GDPD4: variants seen among roughly 807,000 people sequenced by gnomAD.
GDPD4 encodes glycerophosphodiester phosphodiesterase domain containing 4.
A neutral mutation model predicts 67.8 loss-of-function variants in GDPD4; 60 were observed. The observed-to-expected ratio is 0.88, with a 90% CI of 0.72 to 1.10. The LOEUF (loss-of-function observed/expected upper bound fraction) is 1.10. Ranked by LOEUF, GDPD4 falls within the 50% of genes least tolerant of loss-of-function variation. The pLI is 0.00. For missense variants in GDPD4, 623 were observed against 613.9 expected (o/e 1.01, Z -0.16); for synonymous variants, 212 against 210.9 (o/e 1.00, Z -0.04).
rs1401545922 is a variant in GDPD4, at chr11:77,248,768, CTGG to C, written c.865-3269_865-3267del. Among the ~76,000 whole-genome samples the C allele has an allele frequency of 1.8e-3, 266 of 151,550 alleles. 2 individuals are homozygous for C. The highest frequency in any genetic ancestry group is 3.4e-3 in the Non-Finnish European group (233 of 67,948). On this transcript the variant is annotated intron_variant, in intron 11 of 16. Coordinates refer to ENST00000315938, the MANE Select transcript of GDPD4 (RefSeq NM_182833.3). The stretch of plus-strand genomic sequence containing the variant: ...TTGAGTTTTGTTCTTGTTGCCCAGG[CTGG>C]AGTACAATGGCACAGTCTCAGCTCA...
intron 10 of GDPD4, among the ~76,000 whole-genome samples, chr11:77,263,448 A>G (rs1959158108): frequency 6.6e-6 from 1 of 152,184 alleles, no homozygotes; most frequent in Non-Finnish European, 1.5e-5. Flanking sequence ...AAAAAAAAGA[A>G]AAGAGGTATA....
chr11:77,262,261 A>G (rs929039265), intron 10 of GDPD4, among the ~76,000 whole-genome samples: 2 of 152,192 alleles, frequency 1.3e-5, no homozygotes, highest in Non-Finnish European at 2.9e-5. Flanking sequence ...AAGCAGTTTC[A>G]TTCCTCAAAT....
At chr11:77,289,435 A>AGGCC (rs1359071733) in intron 1 of GDPD4, among the ~76,000 whole-genome samples, 1 of 149,788 alleles carries the variant, frequency 6.7e-6, no homozygotes, top group East Asian at 2.0e-4. Flanking sequence ...GAGAGAAGGC[A>AGGCC]GGCCGGCTGG....
At chr11:77,299,276 A>C (rs968757971) in intron 1 of GDPD4, among the ~76,000 whole-genome samples, 1 of 152,148 alleles carries the variant, frequency 6.6e-6, no homozygotes, top group Non-Finnish European at 1.5e-5. Context: ...GATGGAAGAA[A>C]TCCTAAATGA....
At position 77,269,896 on chromosome 11, in the gene GDPD4, G is replaced by A. The variant is rs1470575108; in HGVS notation, c.465C>T (p.Ile155=). 4 of 1,575,736 alleles carry A rather than the reference G, an allele frequency of 2.5e-6. No individual in the cohort carries two copies. Among genetic ancestry groups the A allele is most frequent in the East Asian group, 2.2e-5 (1 of 44,650 alleles). The part of the protein sequence containing the change: ...EKKRLKQCNV[I]TRLRGLQVPV... ...TCCAGCTCTAACCTCTTAACCTTGT[G>A]ATTACATTACATTGCTTGAGTCTTT... The change falls in exon 8 of 17, where the codon ATC becomes ATT. Residue 155 remains isoleucine, a synonymous_variant. Transcript: ENST00000315938.
At chr11:77,260,410 AG>A (rs1959094588) in intron 10 of GDPD4, among the ~76,000 whole-genome samples, 1 of 152,222 alleles carries the variant, frequency 6.6e-6, no homozygotes, top group African/African-American at 2.4e-5. Context: ...AAGCTTCAAA[AG>A]AAAAGACCAA....
Position 77,227,868 on chromosome 11 carries a change from G to C in GDPD4, c.1521C>G (p.Arg507=). ...GGGCTAGGCCTCTGACTTTACCTGT[G>C]CGAGTGCTGGAGGTTTCAAACAATT... The part of the protein sequence containing the change: ...KEKLFETSST[R]TDTQSGSKNE... Residue 507 remains arginine, a synonymous_variant, in exon 16 of 17, where the codon CGC becomes CGG. Coordinates refer to ENST00000315938, the MANE Select transcript of GDPD4 (RefSeq NM_182833.3). 1 of 1,612,074 alleles carries C rather than the reference G, an allele frequency of 6.2e-7. No individual in the cohort carries two copies. Among genetic ancestry groups the C allele is most frequent in the Non-Finnish European group, 8.5e-7 (1 of 1,178,230 alleles).
rs909429409 is a variant in GDPD4, at chr11:77,216,733, C to G, written c.*544G>C. ...TGATAGCGAGAGCACAATGGTTCCCCTGAGAGCCTCCGTGGCCCTTCTGTG... is the reference window on the plus strand; with the variant it reads ...TGATAGCGAGAGCACAATGGTTCCCGTGAGAGCCTCCGTGGCCCTTCTGTG... On this transcript the variant is annotated 3_prime_UTR_variant, in exon 17 of 17. Transcript: ENST00000315938. 16 of 591,910 alleles carry G rather than the reference C, an allele frequency of 2.7e-5. No individual in the cohort carries two copies. The highest frequency in any genetic ancestry group is 3.9e-5 in the Non-Finnish European group (13 of 333,754). The allele number at this position is 591,910 out of a possible 1,614,324, so 36.7% of individuals were successfully genotyped here.
At chr11:77,227,051 G>A (rs560460312) in intron 16 of GDPD4, among the ~76,000 whole-genome samples, 4 of 152,176 alleles carry the variant, frequency 2.6e-5, no homozygotes, top group East Asian at 1.9e-4. Context: ...CAGGAGTTGC[G>A]GAAGGAAATT....
chr11:77,219,385 G>C (rs765323530), intron 16 of GDPD4, among the ~76,000 whole-genome samples: 5 of 152,198 alleles, frequency 3.3e-5, no homozygotes, highest in Non-Finnish European at 7.3e-5. Context: ...TCTTTAATTA[G>C]ATCCCATTTG....
intron 11 of GDPD4, among the ~76,000 whole-genome samples, chr11:77,252,649 C>T (rs11237154): frequency 0.26 from 38,805 of 152,032 alleles, 6,069 homozygotes; most frequent in South Asian, 0.44. Context: ...TCTAAACTTT[C>T]TAGAGTGGCT....
chr11:77,290,223 C>A (rs995153465), intron 1 of GDPD4, among the ~76,000 whole-genome samples: 11 of 152,210 alleles, frequency 7.2e-5, no homozygotes, highest in African/African-American at 2.4e-4. Context: ...AAATCTTACA[C>A]GATAGGAGAG....
chr11:77,269,930 GA>G lies in GDPD4; in HGVS notation c.430del (p.Ser144LeufsTer11). 1 of 1,582,824 alleles carries G rather than the reference GA, an allele frequency of 6.3e-7. No homozygotes were observed. Among genetic ancestry groups the G allele is most frequent in the Non-Finnish European group, 8.7e-7 (1 of 1,153,532 alleles). ...ACATTGCTTGAGTCTTTTTTTCTCA[GA>G]ATGTGTCATCCTGTATCTTCTCATT... The part of the protein sequence containing the change: ...VRMRRYRMTH[S>X]EKKRLKQCNV... On this transcript the variant is annotated frameshift_variant, in exon 8 of 17. Coordinates refer to ENST00000315938, the MANE Select transcript of GDPD4 (RefSeq NM_182833.3). LOFTEE classifies it high-confidence loss of function.
rs71043564 is a variant in GDPD4 at position 77,277,391 on chromosome 11, C to CTTTTTTTTTTTTTT, written c.148-1185_148-1172dup. On this transcript the variant is annotated intron_variant, in intron 4 of 16. Coordinates refer to ENST00000315938, the MANE Select transcript of GDPD4 (RefSeq NM_182833.3). ...ACAAACCTCTTTTCAGCCATGTTTC[C>CTTTTTTTTTTTTTT]TTTTTTTTTTTTTTTTTTTTTTTTT... is the stretch of plus-strand genomic sequence containing the variant. 2.0e-3 allele frequency among the ~76,000 whole-genome samples: 117 copies of CTTTTTTTTTTTTTT among 58,346 alleles called. 27 individuals carry two copies. Among genetic ancestry groups the CTTTTTTTTTTTTTT allele is most frequent in the Non-Finnish European group, 2.9e-3 (94 of 32,394 alleles). The allele number at this position is 58,346 out of a possible 152,430, so 38.3% of individuals were successfully genotyped here.
At chr11:77,271,945 G>A (rs1959238897) in intron 5 of GDPD4, among the ~76,000 whole-genome samples, 2 of 152,124 alleles carry the variant, frequency 1.3e-5, no homozygotes, top group African/African-American at 2.4e-5. Flanking sequence ...TTAAACAGAT[G>A]AAAAAACCTG....
chr11:77,296,002 A>G (rs1290927807), intron 1 of GDPD4, among the ~76,000 whole-genome samples: 1 of 152,108 alleles, frequency 6.6e-6, no homozygotes, highest in Non-Finnish European at 1.5e-5. Context: ...CTGTAATCCC[A>G]GCACTTTGGG....
intron 10 of GDPD4, among the ~76,000 whole-genome samples, chr11:77,258,800 T>C (rs566856508): frequency 1.3e-5 from 2 of 152,278 alleles, no homozygotes; most frequent in Admixed American, 1.3e-4. Context: ...AGGGGCTTTC[T>C]GGCATTAGGA....
intron 11 of GDPD4, among the ~76,000 whole-genome samples, chr11:77,250,858 T>A (rs913523749): frequency 6.6e-6 from 1 of 152,230 alleles, no homozygotes; most frequent in African/African-American, 2.4e-5. Flanking sequence ...TGTATATTTA[T>A]AATTGTTACA....
chr11:77,247,818 G>A (rs563026758), intron 11 of GDPD4, among the ~76,000 whole-genome samples: 4 of 152,172 alleles, frequency 2.6e-5, no homozygotes, highest in Admixed American at 6.5e-5. Context: ...TTGGAAGGCC[G>A]AGACGGGCGA....
Sources: gnomAD v4.1 joint callset for allele counts (sites outside exome capture counted in the v4.1 genomes callset) on GRCh38, gnomAD v4.1.1 for gene constraint, MANE v1.5 for transcripts, NCBI Gene and HGNC (gene_info 2026-07-23, HGNC 2026-07-21) for gene names.